RFX4: variants seen among roughly 807,000 people sequenced by gnomAD.
RFX4 encodes the protein regulatory factor X4.
Under a neutral mutation model 95.0 loss-of-function variants are expected in RFX4, and 10 were observed. The ratio of observed to expected loss-of-function variants is 0.11; its 90% CI spans 0.06 to 0.18. The LOEUF (loss-of-function observed/expected upper bound fraction) is 0.18, where lower values mean the gene tolerates loss of function less well. RFX4 is among the 10% of genes least tolerant of loss of function. RFX4 has a pLI of 1.00. For synonymous variants in RFX4, 321 were observed against 340.7 expected, an observed-to-expected ratio of 0.94 and a Z score of 0.64; for missense variants, 640 against 922.0, an observed-to-expected ratio of 0.69 and a Z score of 3.96.
At chr12:106,740,098 ACTT>A (rs1032760197) in intron 15 of RFX4, among the ~76,000 whole-genome samples, 6 of 152,210 alleles carry the variant, frequency 3.9e-5, no homozygotes, top group Admixed American at 1.3e-4. Context: ...CATGTTTTCA[ACTT>A]CCCACCATGG....
At chr12:106,657,161 T>C (rs1170677044) in intron 4 of RFX4, among the ~76,000 whole-genome samples, 1 of 152,230 alleles carries the variant, frequency 6.6e-6, no homozygotes, top group Non-Finnish European at 1.5e-5. Flanking sequence ...GACTAGTTGT[T>C]CTGTGAAACT....
intron 17 of RFX4, among the ~76,000 whole-genome samples, chr12:106,756,434 C>A (rs1363213968): frequency 6.6e-6 from 1 of 152,144 alleles, no homozygotes; most frequent in Non-Finnish European, 1.5e-5. Context: ...AGGCAGAGGC[C>A]CAGCCTTATC....
At chr12:106,661,634 C>T (rs1455169052) in intron 4 of RFX4, among the ~76,000 whole-genome samples, 1 of 152,198 alleles carries the variant, frequency 6.6e-6, no homozygotes, top group Non-Finnish European at 1.5e-5. Context: ...TGAGTTTGGA[C>T]AAATGTATAA....
At chr12:106,621,549 T>C (rs889761001) in intron 2 of RFX4, among the ~76,000 whole-genome samples, 1 of 152,234 alleles carries the variant, frequency 6.6e-6, no homozygotes, top group African/African-American at 2.4e-5. Context: ...AATGATTGGC[T>C]CTTTAGTCTC....
chr12:106,714,564 A>C (rs2042254062), intron 10 of RFX4, among the ~76,000 whole-genome samples: 1 of 152,208 alleles, frequency 6.6e-6, no homozygotes, highest in Non-Finnish European at 1.5e-5. Context: ...TTATTTTATT[A>C]AAAGACATTT....
Position 106,720,685 on chromosome 12 carries a change from C to A in RFX4, c.1234-74C>A. 7.0e-7 allele frequency: 1 copy of A among 1,436,848 alleles called. No individual in the cohort carries two copies. Among genetic ancestry groups the A allele is most frequent in the Non-Finnish European group, 9.8e-7 (1 of 1,020,134 alleles). 89.0% of individuals were successfully genotyped at this position (1,436,848 alleles called of 1,614,324 possible). Reference sequence around the variant, plus strand: ...TACAGGCGTGAGCCACTTCAACCGGCCTCATTTTTCAAAGAGACAGTAATA... The same window carrying A: ...TACAGGCGTGAGCCACTTCAACCGGACTCATTTTTCAAAGAGACAGTAATA... On this transcript the variant is annotated intron_variant, in intron 12 of 17. Transcript: ENST00000392842. This position sits in a 1 kb window ranked among gnomAD's most constrained non-coding sequence, Gnocchi z 4.2.
chr12:106,726,807 T>C (rs1005751297), intron 13 of RFX4, among the ~76,000 whole-genome samples: 7 of 152,172 alleles, frequency 4.6e-5, no homozygotes, highest in Non-Finnish European at 7.4e-5. Context: ...AGTCTCACTC[T>C]GTTATCTAGG....
chr12:106,587,490 C>T (rs1423914095), intron 1 of RFX4, among the ~76,000 whole-genome samples: 1 of 152,216 alleles, frequency 6.6e-6, no homozygotes, highest in Admixed American at 6.5e-5. Flanking sequence ...TGCACGGGGC[C>T]TCCCCGCCGC....
At chr12:106,613,047 T>A (rs1280202038) in intron 2 of RFX4, among the ~76,000 whole-genome samples, 1 of 151,982 alleles carries the variant, frequency 6.6e-6, no homozygotes, top group Non-Finnish European at 1.5e-5. Flanking sequence ...CGTTAGCTGT[T>A]GTTTTTTTAT....
At chr12:106,705,148 A>G (rs866952137) in intron 8 of RFX4, among the ~76,000 whole-genome samples, 2 of 152,236 alleles carry the variant, frequency 1.3e-5, no homozygotes, top group African/African-American at 4.8e-5. Flanking sequence ...GACTAACAAC[A>G]GTATGTACTT....
intron 1 of RFX4, among the ~76,000 whole-genome samples, chr12:106,606,575 C>T (rs1031880220): frequency 2.0e-5 from 3 of 152,178 alleles, no homozygotes; most frequent in Admixed American, 6.5e-5. Context: ...AGCTTTGAAA[C>T]ATTACAAGCT....
At chr12:106,626,131 C>A (rs181257731) in intron 2 of RFX4, among the ~76,000 whole-genome samples, 1 of 152,208 alleles carries the variant, frequency 6.6e-6, no homozygotes, top group Admixed American at 6.5e-5. Context: ...CAAGAGTGAT[C>A]CTGGCCTATA....
chr12:106,743,515 C>T (rs989290392), intron 15 of RFX4, among the ~76,000 whole-genome samples: 6 of 152,174 alleles, frequency 3.9e-5, no homozygotes, highest in Non-Finnish European at 5.9e-5. Flanking sequence ...GTTCCCCAGA[C>T]CACAGGAGCC....
chr12:106,707,662 G>A (rs75950546), intron 8 of RFX4, among the ~76,000 whole-genome samples: 2,281 of 152,218 alleles, frequency 0.015, 67 homozygotes, highest in African/African-American at 0.052. Flanking sequence ...CAGGAGCGGG[G>A]TGAGGAGGGA....
chr12:106,685,669 T>C (rs1421141316), intron 5 of RFX4, among the ~76,000 whole-genome samples: 2 of 152,216 alleles, frequency 1.3e-5, no homozygotes, highest in Non-Finnish European at 2.9e-5. Context: ...GATCAAAGTT[T>C]ATAAGACTAT....
intron 1 of RFX4, among the ~76,000 whole-genome samples, chr12:106,599,979 C>T (rs566469037): frequency 1.3e-5 from 2 of 152,268 alleles, no homozygotes; most frequent in South Asian, 4.1e-4. Context: ...GATGGAGCTG[C>T]CCACAGAACT....
At chr12:106,741,224 T>C (rs2042798629) in intron 15 of RFX4, among the ~76,000 whole-genome samples, 1 of 151,984 alleles carries the variant, frequency 6.6e-6, no homozygotes, top group Admixed American at 6.6e-5. Context: ...GAGGTTGCAG[T>C]GAGCCAAGAT....
chr12:106,708,876 G>A (rs2042140059), intron 8 of RFX4, among the ~76,000 whole-genome samples: 2 of 152,116 alleles, frequency 1.3e-5, no homozygotes, highest in African/African-American at 2.4e-5. Flanking sequence ...TTAAAAATAT[G>A]CTGTTGCTTC....
chr12:106,654,394 C>A (rs567301371), intron 4 of RFX4, 43 bp downstream of exon 4: 9 of 1,581,236 alleles, frequency 5.7e-6, no homozygotes, highest in Non-Finnish European at 7.7e-6. Context: ...ACCACCCCAA[C>A]TTTAAGTAAT....
Sources: gnomAD v4.1 joint callset for allele counts (sites outside exome capture counted in the v4.1 genomes callset) on GRCh38, gnomAD v4.1.1 for gene constraint, Gnocchi (gnomAD v3.1) non-coding constraint, MANE v1.5 for transcripts, NCBI Gene and HGNC (gene_info 2026-07-23, HGNC 2026-07-21) for gene names.